GRIK3: variants seen among roughly 807,000 people sequenced by gnomAD.
The protein encoded by GRIK3 is glutamate ionotropic receptor kainate type subunit 3.
GRIK3 carries 29 observed loss-of-function variants against 102.5 expected under a neutral mutation model. The observed-to-expected ratio is 0.28, with a 90% CI of 0.21 to 0.39. The LOEUF is 0.39. Among genes scored for constraint, GRIK3 ranks in the 10% least tolerant of loss-of-function variants. The pLI, the probability that GRIK3 is intolerant of heterozygous loss-of-function variation, is 1.00. For missense variants in GRIK3, 908 were observed against 1,252.4 expected (o/e 0.73, Z 4.15); for synonymous variants, 511 against 504.9 (o/e 1.01, Z -0.16).
At chr1:36,955,705 C>G (rs948287629) in intron 1 of GRIK3, among the ~76,000 whole-genome samples, 2 of 152,270 alleles carry the variant, frequency 1.3e-5, no homozygotes, top group Admixed American at 1.3e-4. Context: ...CAGAAACACC[C>G]TGGCACATGC....
At chr1:36,976,542 A>G (rs1642198240) in intron 1 of GRIK3, among the ~76,000 whole-genome samples, 1 of 152,090 alleles carries the variant, frequency 6.6e-6, no homozygotes, top group Admixed American at 6.5e-5. Context: ...GCCAAGGTGG[A>G]CAAGGTCTAC....
At chr1:36,838,144 T>C (rs1327148350) in intron 10 of GRIK3, among the ~76,000 whole-genome samples, 1 of 152,230 alleles carries the variant, frequency 6.6e-6, no homozygotes, top group Non-Finnish European at 1.5e-5. Context: ...ACTGGGAACT[T>C]GGCGAAGCAT....
Position 36,952,234 on chromosome 1 carries a change from G to A in GRIK3, c.116-61138C>T, listed in dbSNP as rs566228054. Among the ~76,000 whole-genome samples, 7 of 152,252 alleles carry A rather than the reference G, an allele frequency of 4.6e-5. No homozygotes were observed. In the East Asian group the frequency reaches 1.4e-3, roughly 29 times the overall value. On this transcript the variant is annotated intron_variant, in intron 1 of 15. Transcript: ENST00000373091. ...CCTACTCAAAGAGCCCTTCCTCCAT[G>A]GTGTCTCCTCAGGGCCCACGATGTC...
At chr1:36,968,857 T>C (rs1232216523) in intron 1 of GRIK3, among the ~76,000 whole-genome samples, 1 of 152,154 alleles carries the variant, frequency 6.6e-6, no homozygotes, top group Non-Finnish European at 1.5e-5. Context: ...AAGCACTCTC[T>C]ACTGTTGTTT....
chr1:36,907,289 G>C (rs1324483475), intron 1 of GRIK3, among the ~76,000 whole-genome samples: 1 of 152,158 alleles, frequency 6.6e-6, no homozygotes, highest in African/African-American at 2.4e-5. Flanking sequence ...GAGACAAGGA[G>C]GAAGGCCTAA....
chr1:36,807,548 G>A (rs1642514745), intron 13 of GRIK3, among the ~76,000 whole-genome samples: 1 of 152,180 alleles, frequency 6.6e-6, no homozygotes. Context: ...GCAGGACTGG[G>A]GCATGGGCAG....
At chr1:37,032,560 T>A (rs952396893) in intron 1 of GRIK3, among the ~76,000 whole-genome samples, 2 of 151,988 alleles carry the variant, frequency 1.3e-5, no homozygotes, top group Non-Finnish European at 2.9e-5. Flanking sequence ...GGCACAGAGA[T>A]AGAAGACATT....
intron 13 of GRIK3, among the ~76,000 whole-genome samples, chr1:36,812,669 G>A (rs1255330407): frequency 6.6e-6 from 1 of 151,960 alleles, no homozygotes; most frequent in Non-Finnish European, 1.5e-5. Flanking sequence ...GTGGGGGCGA[G>A]GGATCGAGAG....
intron 1 of GRIK3, among the ~76,000 whole-genome samples, chr1:36,893,328 T>C (rs1258137483): frequency 6.6e-6 from 1 of 152,148 alleles, no homozygotes; most frequent in Non-Finnish European, 1.5e-5. Context: ...AGCTCTTAAA[T>C]TCTACAAAAA....
intron 1 of GRIK3, among the ~76,000 whole-genome samples, chr1:36,950,563 A>C (rs1228632339): frequency 5.9e-5 from 9 of 152,240 alleles, no homozygotes; most frequent in Non-Finnish European, 1.3e-4. Context: ...GCCTTTGGAC[A>C]ACATGCTCTG....
intron 1 of GRIK3, among the ~76,000 whole-genome samples, chr1:36,930,874 C>T (rs192904519): frequency 2.6e-5 from 4 of 152,298 alleles, no homozygotes; most frequent in South Asian, 2.1e-4. Context: ...CCTTATCTGC[C>T]AGCATGAGCT....
Position 36,947,367 on chromosome 1 carries a change from C to T in GRIK3, c.116-56271G>A, listed in dbSNP as rs978788361. Among the ~76,000 whole-genome samples, 4 of 152,170 alleles carry T rather than the reference C, an allele frequency of 2.6e-5. 1 individual carries two copies. Among genetic ancestry groups the T allele is most frequent in the African/African-American group, 4.8e-5 (2 of 41,450 alleles). ...CACCTGGACCACTGCCACCCCTCCA[C>T]GCTGGTCTCAGCTGCCCACAATTCT... is the stretch of plus-strand genomic sequence containing the variant. On this transcript the variant is annotated intron_variant, in intron 1 of 15. Coordinates refer to ENST00000373091, the MANE Select transcript of GRIK3 (RefSeq NM_000831.4).
chr1:36,908,167 C>T (rs549193501), intron 1 of GRIK3, among the ~76,000 whole-genome samples: 1 of 152,334 alleles, frequency 6.6e-6, no homozygotes, highest in South Asian at 2.1e-4. Context: ...ATTCATTCCC[C>T]TACAGGGTTT....
At chr1:36,941,457 G>A (rs983372093) in intron 1 of GRIK3, among the ~76,000 whole-genome samples, 2 of 152,210 alleles carry the variant, frequency 1.3e-5, no homozygotes, top group Admixed American at 6.5e-5. Context: ...CCAGAGGCCC[G>A]GGCTGGGGGT....
At chr1:36,905,488 G>T (rs1327160967) in intron 1 of GRIK3, among the ~76,000 whole-genome samples, 1 of 146,836 alleles carries the variant, frequency 6.8e-6, no homozygotes, top group Admixed American at 6.7e-5. Flanking sequence ...TAGAGCTTTG[G>T]TAATAAGAAA....
chr1:36,874,558 T>C (rs1050646805), intron 3 of GRIK3, among the ~76,000 whole-genome samples: 1 of 152,280 alleles, frequency 6.6e-6, no homozygotes, highest in South Asian at 2.1e-4. Context: ...CCACAAGCTA[T>C]CACAAGACAC....
intron 1 of GRIK3, among the ~76,000 whole-genome samples, chr1:36,954,935 G>T (rs12040191): frequency 6.6e-6 from 1 of 152,296 alleles, no homozygotes; most frequent in South Asian, 2.1e-4. Context: ...TCACACACAC[G>T]AACACACACA....
chr1:36,909,861 G>A (rs1391097559), intron 1 of GRIK3, among the ~76,000 whole-genome samples: 1 of 152,152 alleles, frequency 6.6e-6, no homozygotes, highest in Non-Finnish European at 1.5e-5. Context: ...GAAACATACT[G>A]AATACCCTAA....
intron 9 of GRIK3, among the ~76,000 whole-genome samples, chr1:36,842,204 G>A (rs1336927707): frequency 6.6e-6 from 1 of 152,204 alleles, no homozygotes; most frequent in Non-Finnish European, 1.5e-5. Context: ...GAGCTAGTGA[G>A]CGGTGGAGCA....
Sources: allele counts gnomAD v4.1 joint callset (sites outside exome capture counted in the v4.1 genomes callset), GRCh38; gene constraint gnomAD v4.1.1; transcripts MANE v1.5; gene names NCBI Gene and HGNC (gene_info 2026-07-23, HGNC 2026-07-21).